The following JAZF1 variants were observed in gnomAD, a reference collection of about 807,000 sequenced individuals.
JAZF1 encodes JAZF zinc finger 1.
A neutral mutation model predicts 26.4 loss-of-function variants in JAZF1; 8 were observed. The ratio of observed to expected loss-of-function variants is 0.30; its 90% CI spans 0.18 to 0.55. The LOEUF is 0.55. JAZF1 is among the 20% of genes least tolerant of loss of function. The pLI, the probability that JAZF1 is intolerant of heterozygous loss-of-function variation, is 0.94. For synonymous variants in JAZF1, 126 were observed against 122.3 expected, an observed-to-expected ratio of 1.03 and a Z score of -0.20; for missense variants, 199 against 322.0, an observed-to-expected ratio of 0.62 and a Z score of 2.92.
At chr7:27,925,964 C>G (rs1404203970) in intron 2 of JAZF1, among the ~76,000 whole-genome samples, 4 of 152,162 alleles carry the variant, frequency 2.6e-5, no homozygotes, top group African/African-American at 9.7e-5. Context: ...TGGAGAGTCC[C>G]CTGTGGTATG....
intron 1 of JAZF1, among the ~76,000 whole-genome samples, chr7:28,111,084 G>T (rs1159661292): frequency 6.6e-6 from 1 of 152,174 alleles, no homozygotes; most frequent in African/African-American, 2.4e-5. Context: ...TCTGGCTGAA[G>T]AAAAGTAAGG....
intron 1 of JAZF1, among the ~76,000 whole-genome samples, chr7:28,149,315 A>T (rs2127947872): frequency 6.6e-6 from 1 of 152,316 alleles, no homozygotes; most frequent in East Asian, 1.9e-4. Flanking sequence ...GACTGGAAAA[A>T]GTGCCAAAGA....
At position 28,180,599 on chromosome 7, in the gene JAZF1, C is replaced by G. The variant is rs1158549015; in HGVS notation, c.-22G>C. On this transcript the variant is annotated 5_prime_UTR_variant, in exon 1 of 5. Transcript: ENST00000283928. ...TCATGGTGCTACATCGAGAGCCCCC[C>G]TGGTGTCGGCTCTGCGAGCGCCGGG... 1.1e-5 allele frequency: 16 copies of G among 1,480,286 alleles called. No homozygotes were observed. The highest frequency in any genetic ancestry group is 1.4e-5 in the African/African-American group (1 of 69,484). The allele number at this position is 1,480,286 out of a possible 1,614,324, so 91.7% of individuals were successfully genotyped here. A position where few individuals can be genotyped will look rare whatever the true frequency, so the allele number is the denominator to read the frequency against.
At chr7:28,133,702 C>A (rs959798878) in intron 1 of JAZF1, among the ~76,000 whole-genome samples, 4 of 152,204 alleles carry the variant, frequency 2.6e-5, no homozygotes, top group Admixed American at 6.5e-5. Context: ...ACCAACCTCA[C>A]CACAGTCCTT....
In JAZF1 at chr7:28,014,666, G is replaced by A. The variant is rs143793895; in HGVS notation, c.116-22685C>T. Among the ~76,000 whole-genome samples the A allele has an allele frequency of 4.7e-3, 708 of 152,206 alleles. 4 individuals are homozygous for A. Among genetic ancestry groups the A allele is most frequent in the Non-Finnish European group, 7.5e-3 (511 of 68,022 alleles). On this transcript the variant is annotated intron_variant, in intron 1 of 4. Transcript: ENST00000283928. ...TAAGTTCATTAAACCTCTTTCTTTG[G>A]TAAATTGCCCAGTCTTCGGTATGTC...
At chr7:28,175,579 G>T (rs746693248) in intron 1 of JAZF1, among the ~76,000 whole-genome samples, 1 of 152,174 alleles carries the variant, frequency 6.6e-6, no homozygotes, top group Non-Finnish European at 1.5e-5. Context: ...GTCATAAGGG[G>T]GACAAGTGGC....
At chr7:28,125,865 C>T (rs1018448684) in intron 1 of JAZF1, among the ~76,000 whole-genome samples, 2 of 152,180 alleles carry the variant, frequency 1.3e-5, no homozygotes, top group Non-Finnish European at 2.9e-5. Context: ...ATGATAGAGA[C>T]AGATGATGTT....
At position 27,994,714 on chromosome 7, in the gene JAZF1, C is replaced by T. The variant is rs149199465; in HGVS notation, c.116-2733G>A. On this transcript the variant is annotated intron_variant, in intron 1 of 4. Transcript: ENST00000283928. ...CAGGAGAGGCCTGCACCAGTGCTAC[C>T]GGAGGAGTCAAATCAGCTGCTGGTC... 7.7e-3 allele frequency among the ~76,000 whole-genome samples: 1,171 copies of T among 152,256 alleles called. 7 individuals carry two copies. The highest frequency in any genetic ancestry group is 0.037 in the Middle Eastern group (11 of 294).
At chr7:28,012,290 G>A (rs546076003) in intron 1 of JAZF1, among the ~76,000 whole-genome samples, 33 of 152,226 alleles carry the variant, frequency 2.2e-4, no homozygotes, top group Non-Finnish European at 3.8e-4. Context: ...AAAACAGGTC[G>A]CTTCTATTTC....
chr7:27,876,384 T>G (rs1298710188), intron 3 of JAZF1, among the ~76,000 whole-genome samples: 1 of 152,200 alleles, frequency 6.6e-6, no homozygotes, highest in Non-Finnish European at 1.5e-5. Flanking sequence ...CCACCTTGAC[T>G]CTTGGGAGAG....
chr7:28,083,390 T>C lies in JAZF1; in HGVS notation c.116-91409A>G, dbSNP rs182261892. Among the ~76,000 whole-genome samples the C allele has an allele frequency of 3.5e-4, 53 of 152,320 alleles. 1 individual carries two copies. The highest frequency in any genetic ancestry group is 2.0e-3 in the Admixed American group (31 of 15,304). ...TCATGATTATGAATATTTTAGTACC[T>C]GACCTATGAGTTATTGATACGTAAT... is the stretch of plus-strand genomic sequence containing the variant. On this transcript the variant is annotated intron_variant, in intron 1 of 4. Transcript: ENST00000283928.
intron 1 of JAZF1, among the ~76,000 whole-genome samples, chr7:28,088,791 C>T (rs6950127): frequency 0.22 from 34,016 of 152,164 alleles, 8,490 homozygotes; most frequent in African/African-American, 0.61. Flanking sequence ...TTGTGTTTCT[C>T]TTTTATTGTT....
chr7:28,084,016 G>A (rs1247495090), intron 1 of JAZF1, among the ~76,000 whole-genome samples: 1 of 152,056 alleles, frequency 6.6e-6, no homozygotes. Context: ...ATTATCGAAT[G>A]AGGGCAGAAG....
chr7:27,913,991 G>A (rs1784404370), intron 2 of JAZF1, among the ~76,000 whole-genome samples: 1 of 152,140 alleles, frequency 6.6e-6, no homozygotes. Flanking sequence ...AGCACGTAAG[G>A]TGGCTCTTCA....
chr7:27,830,933 ACT>A lies in JAZF1; in HGVS notation c.*1865_*1866del, dbSNP rs1782675198. ...TTTATGACTGTTTAGCTGTTGAACTACTGATCCAGCCTGCAGTTTCTTGCACT... is the reference window on the plus strand; with the variant it reads ...TTTATGACTGTTTAGCTGTTGAACTAGATCCAGCCTGCAGTTTCTTGCACT... On this transcript the variant is annotated 3_prime_UTR_variant, in exon 5 of 5. Coordinates refer to ENST00000283928, the MANE Select transcript of JAZF1 (RefSeq NM_175061.4). 4.6e-6 allele frequency: 1 copy of A among 218,038 alleles called. No individual in the cohort carries two copies. Among genetic ancestry groups the A allele is most frequent in the Non-Finnish European group, 9.2e-6 (1 of 108,162 alleles). The allele number at this position is 218,038 out of a possible 1,614,324, so 13.5% of individuals were successfully genotyped here. A position where few individuals can be genotyped will look rare whatever the true frequency, so the allele number is the denominator to read the frequency against.
At chr7:27,997,703 G>T (rs948513827) in intron 1 of JAZF1, among the ~76,000 whole-genome samples, 1 of 152,038 alleles carries the variant, frequency 6.6e-6, no homozygotes, top group African/African-American at 2.4e-5. Flanking sequence ...GAGCAGATAG[G>T]ACTGCAGGTG....
chr7:27,908,832 T>G (rs1180863040), intron 2 of JAZF1, among the ~76,000 whole-genome samples: 1 of 152,242 alleles, frequency 6.6e-6, no homozygotes, highest in Non-Finnish European at 1.5e-5. Context: ...TTTTATAAAA[T>G]GAGGTGTTGC....
At chr7:28,128,379 A>G (rs1782733942) in intron 1 of JAZF1, among the ~76,000 whole-genome samples, 1 of 152,104 alleles carries the variant, frequency 6.6e-6, no homozygotes, top group Non-Finnish European at 1.5e-5. Context: ...AAAATTAGCC[A>G]GGTGTGGTGG....
At chr7:28,012,014 G>C (rs947465149) in intron 1 of JAZF1, among the ~76,000 whole-genome samples, 1 of 152,074 alleles carries the variant, frequency 6.6e-6, no homozygotes, top group Non-Finnish European at 1.5e-5. Context: ...TTCCAGGCTC[G>C]ACATGCCCGT....
Sources: gnomAD v4.1 joint callset for allele counts (sites outside exome capture counted in the v4.1 genomes callset) on GRCh38, gnomAD v4.1.1 for gene constraint, MANE v1.5 for transcripts, NCBI Gene and HGNC (gene_info 2026-07-23, HGNC 2026-07-21) for gene names.